The following GBE1 variants were observed in gnomAD, a reference collection of about 807,000 sequenced individuals.
GBE1 encodes the protein 1,4-alpha-glucan branching enzyme 1.
Under a neutral mutation model 88.8 loss-of-function variants are expected in GBE1, and 70 were observed. The ratio of observed to expected loss-of-function variants is 0.79; its 90% CI spans 0.65 to 0.96. The LOEUF (loss-of-function observed/expected upper bound fraction) is 0.96, where lower values mean the gene tolerates loss of function less well. GBE1 is among the 40% of genes least tolerant of loss of function. The pLI is 0.00. For synonymous variants in GBE1, 284 were observed against 300.1 expected, an observed-to-expected ratio of 0.95 and a Z score of 0.56; for missense variants, 872 against 871.0, an observed-to-expected ratio of 1.00 and a Z score of -0.01.
At chr3:81,749,601 CAAAT>C (rs1362458018) in intron 1 of GBE1, among the ~76,000 whole-genome samples, 3 of 152,134 alleles carry the variant, frequency 2.0e-5, no homozygotes, top group African/African-American at 7.2e-5. Context: ...TAGACACACA[CAAAT>C]AAGTATATGT....
intron 14 of GBE1, among the ~76,000 whole-genome samples, chr3:81,501,276 G>A (rs1576121953): frequency 1.3e-5 from 2 of 152,272 alleles, no homozygotes; most frequent in South Asian, 4.2e-4. Flanking sequence ...GGAAGACAGG[G>A]GTTATTTTAG....
At position 81,750,683 on chromosome 3, in the gene GBE1, A is replaced by ACG. The variant is rs1372095135; in HGVS notation, c.143+10691_143+10692insCG. On this transcript the variant is annotated intron_variant, in intron 1 of 15. Coordinates refer to ENST00000429644, the MANE Select transcript of GBE1 (RefSeq NM_000158.4). ...TGTATATATATATATACGTATATAT[A>ACG]TATATATATATGTATTTTTTTTTTT... Among the ~76,000 whole-genome samples, 2 of 42,834 alleles carry ACG rather than the reference A, an allele frequency of 4.7e-5. 1 individual carries two copies. Among genetic ancestry groups the ACG allele is most frequent in the Non-Finnish European group, 7.8e-5 (2 of 25,524 alleles). 28.1% of individuals were successfully genotyped at this position (42,834 alleles called of 152,430 possible). A position where few individuals can be genotyped will look rare whatever the true frequency, so the allele number is the denominator to read the frequency against.
chr3:81,573,284 T>C (rs868230177), intron 12 of GBE1, among the ~76,000 whole-genome samples: 10 of 152,328 alleles, frequency 6.6e-5, no homozygotes, highest in South Asian at 4.1e-4. Context: ...CTTAACTGGC[T>C]GTAATCTCAA....
In GBE1 at chr3:81,556,230, G is replaced by C. The variant is rs187355096; in HGVS notation, c.1619-19135C>G. ...AGATCAAATATCTTACATATTTAAT[G>C]TTTACTTAATGTCAAATAAACATAA... is the stretch of plus-strand genomic sequence containing the variant. On this transcript the variant is annotated intron_variant, in intron 12 of 15. Transcript: ENST00000429644. Among the ~76,000 whole-genome samples the C allele has an allele frequency of 3.0e-3, 453 of 151,924 alleles. 1 individual carries two copies. Among genetic ancestry groups the C allele is most frequent in the South Asian group, 5.6e-3 (27 of 4,826 alleles).
chr3:81,578,509 TAATA>T (rs891017850), intron 11 of GBE1, among the ~76,000 whole-genome samples: 1 of 150,868 alleles, frequency 6.6e-6, no homozygotes, highest in African/African-American at 2.4e-5. Flanking sequence ...CATTGATATA[TAATA>T]TATATATATT....
intron 14 of GBE1, among the ~76,000 whole-genome samples, chr3:81,499,467 G>A (rs1392514529): frequency 6.6e-6 from 1 of 152,008 alleles, no homozygotes; most frequent in Non-Finnish European, 1.5e-5. Context: ...ACCCAGCCTG[G>A]GACGAAACAT....
At chr3:81,543,457 G>A (rs1427278864) in intron 12 of GBE1, among the ~76,000 whole-genome samples, 1 of 152,052 alleles carries the variant, frequency 6.6e-6, no homozygotes, top group African/African-American at 2.4e-5. Context: ...ATAAATGGAA[G>A]CAAATCACAG....
At chr3:81,710,589 A>C (rs1404378887) in intron 1 of GBE1, among the ~76,000 whole-genome samples, 2 of 151,852 alleles carry the variant, frequency 1.3e-5, no homozygotes, top group African/African-American at 4.8e-5. Context: ...CCTTTTTCCT[A>C]ATTTTTTTAA....
chr3:81,715,558 T>C (rs1351031874), intron 1 of GBE1, among the ~76,000 whole-genome samples: 1 of 152,164 alleles, frequency 6.6e-6, no homozygotes, highest in African/African-American at 2.4e-5. Context: ...ATTAAATGAG[T>C]TGTTTCATAT....
chr3:81,696,763 A>G (rs1211804990), intron 2 of GBE1, among the ~76,000 whole-genome samples: 1 of 152,240 alleles, frequency 6.6e-6, no homozygotes, highest in African/African-American at 2.4e-5. Flanking sequence ...CTGTATTAAC[A>G]GAGCATAAAT....
At chr3:81,541,118 C>T (rs1703137432) in intron 12 of GBE1, among the ~76,000 whole-genome samples, 1 of 151,930 alleles carries the variant, frequency 6.6e-6, no homozygotes, top group Non-Finnish European at 1.5e-5. Flanking sequence ...ACAACAAATT[C>T]ATTTTCACTG....
At chr3:81,694,774 C>T (rs1237906062) in intron 2 of GBE1, among the ~76,000 whole-genome samples, 1 of 152,154 alleles carries the variant, frequency 6.6e-6, no homozygotes, top group Non-Finnish European at 1.5e-5. Context: ...TCTACCCTGC[C>T]CTAACTCTGC....
At chr3:81,593,370 C>CAATAATAAG (rs1553684475) in intron 8 of GBE1, among the ~76,000 whole-genome samples, 2 of 144,094 alleles carry the variant, frequency 1.4e-5, no homozygotes, top group Non-Finnish European at 3.0e-5. Context: ...GTCTCAAGAA[C>CAATAATAAG]AATAATAATA....
At chr3:81,520,414 C>T (rs540232634) in intron 14 of GBE1, among the ~76,000 whole-genome samples, 13 of 151,516 alleles carry the variant, frequency 8.6e-5, no homozygotes, top group Admixed American at 4.6e-4. Context: ...AAGAGGGGCC[C>T]TAATACTCAC....
chr3:81,510,394 G>A (rs929962981), intron 14 of GBE1, among the ~76,000 whole-genome samples: 2 of 152,034 alleles, frequency 1.3e-5, no homozygotes, highest in Non-Finnish European at 2.9e-5. Flanking sequence ...TTTAAGACTA[G>A]ATAGAAAATC....
chr3:81,658,373 A>G (rs1457899670), intron 3 of GBE1, among the ~76,000 whole-genome samples: 1 of 152,164 alleles, frequency 6.6e-6, no homozygotes, highest in Non-Finnish European at 1.5e-5. Flanking sequence ...TTTTTGAGGT[A>G]TAATACACAT....
At chr3:81,604,924 G>A (rs1334506626) in intron 7 of GBE1, among the ~76,000 whole-genome samples, 1 of 151,932 alleles carries the variant, frequency 6.6e-6, no homozygotes, top group Non-Finnish European at 1.5e-5. Context: ...ATTCTTCACT[G>A]ATCATCTTTC....
intron 3 of GBE1, chr3:81,650,404 C>G (rs931225349): frequency 6.5e-6 from 1 of 154,706 alleles, no homozygotes; most frequent in Non-Finnish European, 1.4e-5. Context: ...ACAATGTGCA[C>G]GCACAGACAC....
Position 81,733,795 on chromosome 3 carries a change from G to A in GBE1, c.143+27580C>T, listed in dbSNP as rs1340052241. ...ATCGCCTGTCTCCTGCTGCTGGAAA[G>A]TAAGCTCCTCAAATGTATGAGCTTT... On this transcript the variant is annotated intron_variant, in intron 1 of 15. Transcript: ENST00000429644. The surrounding 1 kb of genome is among the most constrained non-coding windows in gnomAD (Gnocchi z 4.0). Among the ~76,000 whole-genome samples, 2 of 152,136 alleles carry A rather than the reference G, an allele frequency of 1.3e-5. No homozygotes were observed. The highest frequency in any genetic ancestry group is 2.9e-5 in the Non-Finnish European group (2 of 68,032).
Sources: allele counts gnomAD v4.1 joint callset (sites outside exome capture counted in the v4.1 genomes callset), GRCh38; gene constraint gnomAD v4.1.1; non-coding constraint Gnocchi (gnomAD v3.1); transcripts MANE v1.5; gene names NCBI Gene and HGNC (gene_info 2026-07-23, HGNC 2026-07-21).